The following PTPRB variants were observed in gnomAD, a reference collection of about 807,000 sequenced individuals.
PTPRB encodes receptor-type tyrosine-protein phosphatase beta.
In PTPRB, 97 loss-of-function variants were observed where a neutral mutation model predicts 238.1. The ratio of observed to expected loss-of-function variants is 0.41; its 90% CI spans 0.35 to 0.48. The LOEUF (loss-of-function observed/expected upper bound fraction) is 0.48. Ranked by LOEUF, PTPRB falls within the 20% of genes least tolerant of loss-of-function variation. The pLI, the probability that PTPRB is intolerant of heterozygous loss-of-function variation, is 0.30. For missense variants in PTPRB, 2,292 were observed against 2,681.9 expected, an observed-to-expected ratio of 0.85 and a Z score of 3.21; for synonymous variants, 970 against 995.4, an observed-to-expected ratio of 0.97 and a Z score of 0.48.
intron 18 of PTPRB, among the ~76,000 whole-genome samples, chr12:70,558,058 C>A (rs565506490): frequency 6.6e-6 from 1 of 152,296 alleles, no homozygotes; most frequent in African/African-American, 2.4e-5. Flanking sequence ...TGAGGCTGAT[C>A]TTACTCTGTC....
At chr12:70,622,950 G>GGA (rs1555240187) in intron 2 of PTPRB, among the ~76,000 whole-genome samples, 2 of 86,456 alleles carry the variant, frequency 2.3e-5, no homozygotes, top group African/African-American at 1.1e-4. Context: ...TGAGAATTTA[G>GGA]GGGGGGGGTC....
intron 2 of PTPRB, among the ~76,000 whole-genome samples, chr12:70,633,992 G>A (rs892518446): frequency 6.6e-6 from 1 of 152,052 alleles, no homozygotes; most frequent in Non-Finnish European, 1.5e-5. Flanking sequence ...CCACAGGAAA[G>A]GTATTGTACA....
chr12:70,555,154 A>G lies in PTPRB; in HGVS notation c.5143+6T>C. 7.4e-6 allele frequency: 12 copies of G among 1,613,000 alleles called. No homozygotes were observed. Among genetic ancestry groups the G allele is most frequent in the Non-Finnish European group, 9.3e-6 (11 of 1,179,400 alleles). The stretch of plus-strand genomic sequence containing the variant: ...CTCAGAGTGGAGTTAACTCATGATA[A>G]CTTACCATCAGCCTCTCTCACCACC... On this transcript the variant is annotated splice_donor_region_variant and intron_variant, in intron 20 of 33. Coordinates refer to ENST00000334414, the MANE Select transcript of PTPRB (RefSeq NM_001109754.4).
intron 33 of PTPRB, chr12:70,522,642 T>C: frequency 6.6e-6 from 1 of 152,166 alleles, no homozygotes; most frequent in Admixed American, 6.5e-5. Flanking sequence ...TTTGTGTTTT[T>C]TTTCTATTGA....
intron 14 of PTPRB, among the ~76,000 whole-genome samples, chr12:70,568,696 T>C (rs1879640278): frequency 6.6e-6 from 1 of 152,182 alleles, no homozygotes; most frequent in Non-Finnish European, 1.5e-5. Context: ...GGGCATGGTA[T>C]AGAAGCCCCA....
chr12:70,594,359 A>C, intron 6 of PTPRB, 108 bp downstream of exon 6: 1 of 1,404,674 alleles, frequency 7.1e-7, no homozygotes, highest in Non-Finnish European at 9.7e-7. Flanking sequence ...ATACCTTATA[A>C]GAATTTCAAT....
rs180847255 is a variant in PTPRB, at chr12:70,541,129, A to T, written c.5495-172T>A. Reference sequence around the variant, plus strand: ...AAAGGCTCTGAGTATGCACCTAAGAAGATGATGAAAGGCTGGCTCCCACCC... The same window carrying T: ...AAAGGCTCTGAGTATGCACCTAAGATGATGATGAAAGGCTGGCTCCCACCC... On this transcript the variant is annotated intron_variant, in intron 22 of 33. Coordinates refer to ENST00000334414, the MANE Select transcript of PTPRB (RefSeq NM_001109754.4). 12 of 589,348 alleles carry T rather than the reference A, an allele frequency of 2.0e-5. No homozygotes were observed. The East Asian group carries it at 2.3e-4, about 11-fold the overall frequency. The allele number at this position is 589,348 out of a possible 1,614,324, so 36.5% of individuals were successfully genotyped here.
intron 3 of PTPRB, chr12:70,609,893 C>G (rs1033792712): frequency 1.5e-6 from 2 of 1,352,386 alleles, no homozygotes; most frequent in Admixed American, 2.7e-5. Flanking sequence ...AGGGGGTCAC[C>G]TGTTGCGCGC....
In PTPRB at chr12:70,536,139, T is replaced by G. The variant is rs1403950869; in HGVS notation, c.5967A>C (p.Glu1989Asp). ...SYIPGNNFRR[E>D]YIVTQGPLPG... ...GAAGCGGTCCCTGAGTGACAATGTATTCTCTTCTGAAGTTGTTGCCCTGCA... is the reference window on the plus strand; with the variant it reads ...GAAGCGGTCCCTGAGTGACAATGTAGTCTCTTCTGAAGTTGTTGCCCTGCA... Residue 1989 changes from glutamate (E) to aspartate (D), a missense_variant, in exon 29 of 34, where the codon GAA (glutamate) becomes GAC (aspartate). Coordinates refer to ENST00000334414, the MANE Select transcript of PTPRB (RefSeq NM_001109754.4). 6.8e-6 allele frequency: 11 copies of G among 1,613,508 alleles called. No individual in the cohort carries two copies. The highest frequency in any genetic ancestry group is 9.3e-6 in the Non-Finnish European group (11 of 1,179,710).
intron 18 of PTPRB, among the ~76,000 whole-genome samples, chr12:70,557,261 G>A (rs1038079112): frequency 2.0e-5 from 3 of 152,212 alleles, no homozygotes; most frequent in East Asian, 3.8e-4. Flanking sequence ...GCATATTTGT[G>A]AGAAATTGAG....
intron 4 of PTPRB, among the ~76,000 whole-genome samples, chr12:70,597,514 A>T (rs1883134700): frequency 6.6e-6 from 1 of 152,148 alleles, no homozygotes; most frequent in African/African-American, 2.4e-5. Context: ...GGCTGCCCCT[A>T]CCCTGAGTGC....
At position 70,576,429 on chromosome 12, in the gene PTPRB, G is replaced by A. The variant is rs1452044914; in HGVS notation, c.2795C>T (p.Thr932Ile). Residue 932 changes from threonine to isoleucine, a missense_variant, in exon 11 of 34, where the codon ACA becomes ATA. By Grantham distance (89) the Thr-to-Ile change is moderately conservative (BLOSUM62 -1). This residue lies in a region of PTPRB where 1,205 missense variants were observed against 1,287.8 expected (regional missense o/e 0.94). Transcript: ENST00000334414. ...GTGATTTTCATACTTGCCACTCCTT[G>A]TAGTTATGGTCACGGTGTAGAGGCG... ...PGRLYTVTIT[T>I]RSGKYENHSF... 2 of 1,610,100 alleles carry A rather than the reference G, an allele frequency of 1.2e-6. No homozygotes were observed. Among genetic ancestry groups the A allele is most frequent in the African/African-American group, 1.3e-5 (1 of 74,840 alleles).
At chr12:70,628,470 C>T (rs1043437409) in intron 2 of PTPRB, among the ~76,000 whole-genome samples, 5 of 152,180 alleles carry the variant, frequency 3.3e-5, no homozygotes, top group Admixed American at 6.6e-5. Context: ...CATGGCCTAT[C>T]GGCCCATGGA....
At chr12:70,604,298 ACTCTT>A (rs1383124041) in intron 4 of PTPRB, among the ~76,000 whole-genome samples, 1 of 152,062 alleles carries the variant, frequency 6.6e-6, no homozygotes, top group African/African-American at 2.4e-5. Context: ...ATACTAGAGT[ACTCTT>A]CTCTTCCTGG....
intron 8 of PTPRB, among the ~76,000 whole-genome samples, chr12:70,588,896 C>T (rs1368524284): frequency 2.1e-4 from 32 of 152,004 alleles, no homozygotes; most frequent in Admixed American, 1.5e-3. Context: ...GGGGTTGCAG[C>T]GAGCCGAGAT....
At chr12:70,616,672 C>T (rs180982535) in intron 3 of PTPRB, among the ~76,000 whole-genome samples, 240 of 152,318 alleles carry the variant, frequency 1.6e-3, no homozygotes, top group Non-Finnish European at 2.9e-3. Context: ...TCAGCATGTC[C>T]TGGCTTCTCT....
chr12:70,606,643 G>A (rs1296583186), intron 4 of PTPRB, among the ~76,000 whole-genome samples: 2 of 152,050 alleles, frequency 1.3e-5, no homozygotes, highest in African/African-American at 4.8e-5. Flanking sequence ...ATACTAGTTG[G>A]CATTGCTTTA....
At chr12:70,576,668 G>GGGGGGGT in intron 10 of PTPRB, 23 bp from the exon 11 acceptor site, 1 of 284,910 alleles carries the variant, frequency 3.5e-6, no homozygotes, top group Non-Finnish European at 6.5e-6. Flanking sequence ...AAGGTGGGGG[G>GGGGGGGT]CGGGGGGGGG....
In PTPRB at chr12:70,560,602, C is replaced by T; in HGVS notation, c.4432+69G>A. 6.3e-7 allele frequency: 1 copy of T among 1,578,824 alleles called. No homozygotes were observed. Among genetic ancestry groups the T allele is most frequent in the East Asian group, 2.2e-5 (1 of 44,488 alleles). On this transcript the variant is annotated intron_variant, in intron 17 of 33. Transcript: ENST00000334414. The surrounding 1 kb of genome is among the most constrained non-coding windows in gnomAD (Gnocchi z 4.2). ...TGGCTTTATCTCTTGTCATTAAAAT[C>T]AGAATCAAAATGTGTCTCTGGAAGC...
Sources: gnomAD v4.1 joint callset for allele counts (sites outside exome capture counted in the v4.1 genomes callset) on GRCh38, gnomAD v4.1.1 for gene constraint, gnomAD v4.1.1 regional missense constraint, Gnocchi (gnomAD v3.1) non-coding constraint, MANE v1.5 for transcripts, NCBI Gene and HGNC (gene_info 2026-07-23, HGNC 2026-07-21) for gene names.